Variants in ZNF461 observed in about 807,000 individuals in gnomAD.
ZNF461 encodes the protein zinc finger protein 461.
In ZNF461, 16 loss-of-function variants were observed where a neutral mutation model predicts 18.3. The observed-to-expected ratio is 0.88, with a 90% confidence interval of 0.59 to 1.33. The LOEUF is 1.33. Among genes scored for constraint, ZNF461 ranks in the 40% most tolerant of loss-of-function variants. The pLI is 0.00. For synonymous variants in ZNF461, 179 were observed against 216.9 expected (o/e 0.83, Z 1.54); for missense variants, 595 against 669.9 (o/e 0.89, Z 1.23).
At chr19:36,663,552 C>T (rs1228003167) in intron 2 of ZNF461, among the ~76,000 whole-genome samples, 1 of 140,338 alleles carries the variant, frequency 7.1e-6, no homozygotes, top group Admixed American at 7.6e-5. Flanking sequence ...CAGAGTCTTG[C>T]CTTGTCACCC....
chr19:36,655,405 C>A (rs1411898675), intron 4 of ZNF461, among the ~76,000 whole-genome samples: 2 of 152,110 alleles, frequency 1.3e-5, no homozygotes, highest in Admixed American at 6.5e-5. Flanking sequence ...TCGAGACCAG[C>A]CTGGGCAATA....
chr19:36,649,824 T>C (rs2037595594), intron 4 of ZNF461, among the ~76,000 whole-genome samples: 1 of 152,184 alleles, frequency 6.6e-6, no homozygotes, highest in African/African-American at 2.4e-5. Context: ...TATACATATA[T>C]CAAAACATAT....
At chr19:36,657,863 T>C (rs2037751702) in intron 3 of ZNF461, 2 of 154,234 alleles carry the variant, frequency 1.3e-5, no homozygotes, top group Non-Finnish European at 2.9e-5. Context: ...GAATAGTAAA[T>C]GAACCTTTAT....
chr19:36,641,547 T>G (rs1008242996), intron 5 of ZNF461, among the ~76,000 whole-genome samples: 11 of 142,340 alleles, frequency 7.7e-5, no homozygotes, highest in South Asian at 2.2e-4. Context: ...AAAATATATA[T>G]ATATATAATA....
At position 36,639,798 on chromosome 19, in the gene ZNF461, G is replaced by C. The variant is rs748767652; in HGVS notation, c.547C>G (p.Gln183Glu). Residue 183 changes from glutamine to glutamate, a missense_variant, in exon 6 of 6, where the codon CAA (glutamine) becomes GAA (glutamate). Gln to Glu is a conservative substitution (Grantham distance 29, BLOSUM62 2). Transcript: ENST00000588268. ...PIFSQHTLLT[Q>E]EFYDREKISE... The stretch of plus-strand genomic sequence containing the variant: ...ATTTTCTCTCTATCATAAAATTCTT[G>C]AGTGAGTAAAGTATGTTGGCTAAAA... 1.9e-6 allele frequency: 3 copies of C among 1,613,792 alleles called. No homozygotes were observed. The highest frequency in any genetic ancestry group is 1.3e-5 in the African/African-American group (1 of 75,024).
At position 36,637,682 on chromosome 19, in the gene ZNF461, CAA is replaced by C. The variant is rs377169661; in HGVS notation, c.*969_*970del. On this transcript the variant is annotated 3_prime_UTR_variant, in exon 6 of 6. Coordinates refer to ENST00000588268, the MANE Select transcript of ZNF461 (RefSeq NM_153257.5). The stretch of plus-strand genomic sequence containing the variant: ...ACTGGACTCCAGCCTGGGTGTGTCT[CAA>C]AAAAAAAAAAAATGAAGTAGGCCAA... 7.0e-3 allele frequency: 1,445 copies of C among 205,158 alleles called. No homozygotes were observed. The highest frequency in any genetic ancestry group is 0.013 in the South Asian group (297 of 23,458). The allele number at this position is 205,158 out of a possible 1,614,324, so 12.7% of individuals were successfully genotyped here.
At chr19:36,647,880 C>T (rs1360468139) in intron 4 of ZNF461, among the ~76,000 whole-genome samples, 1 of 152,008 alleles carries the variant, frequency 6.6e-6, no homozygotes. Flanking sequence ...CTCATGATAT[C>T]TGGTCCTTGA....
chr19:36,643,935 ATTTCTTTT>A, intron 4 of ZNF461, 73 bp from the exon 5 acceptor site: 5 of 1,225,796 alleles, frequency 4.1e-6, no homozygotes, highest in Non-Finnish European at 5.4e-6. Context: ...GAGAATATCT[ATTTCTTTT>A]TCTTTTTAGA....
intron 4 of ZNF461, among the ~76,000 whole-genome samples, chr19:36,645,502 C>G (rs10427118): frequency 0.096 from 14,543 of 152,004 alleles, 777 homozygotes; most frequent in African/African-American, 0.15. Flanking sequence ...CACTTTATTT[C>G]CCACTTTATT....
In ZNF461 at chr19:36,640,126, T is replaced by G. The variant is rs2037398921; in HGVS notation, c.302-83A>C. 3.4e-6 allele frequency: 4 copies of G among 1,172,526 alleles called. No homozygotes were observed. In the Admixed American group the frequency reaches 1.1e-4, roughly 32 times the overall value. The allele number at this position is 1,172,526 out of a possible 1,614,324, so 72.6% of individuals were successfully genotyped here. On this transcript the variant is annotated intron_variant, in intron 5 of 5. Transcript: ENST00000588268. Reference sequence around the variant, plus strand: ...ATCTATGGTAGCAATGAGAGATAACTGCAAATAATTCATATAAGAAATAAA... The same window carrying G: ...ATCTATGGTAGCAATGAGAGATAACGGCAAATAATTCATATAAGAAATAAA...
chr19:36,643,858 T>A lies in ZNF461; in HGVS notation c.237A>T (p.Thr79=), dbSNP rs542649343. The change falls in exon 5 of 6, where the codon ACA becomes ACT. Residue 79 remains threonine (T), a synonymous_variant. Transcript: ENST00000588268. The part of the protein sequence containing the change: ...REETGRWCPG[T]WKTWGFHNNF... ...TATTGTGAAATCCCCAAGTTTTCCATGTACCTACATGGAAACAAAAGAATA... is the reference window on the plus strand; with the variant it reads ...TATTGTGAAATCCCCAAGTTTTCCAAGTACCTACATGGAAACAAAAGAATA... 4 of 1,525,252 alleles carry A rather than the reference T, an allele frequency of 2.6e-6. No homozygotes were observed. The South Asian group carries it at 3.7e-5, about 14-fold the overall frequency. The allele number at this position is 1,525,252 out of a possible 1,614,324, so 94.5% of individuals were successfully genotyped here.
chr19:36,640,677 A>AAT (rs2037408277), intron 5 of ZNF461, among the ~76,000 whole-genome samples: 1 of 152,226 alleles, frequency 6.6e-6, no homozygotes, highest in African/African-American at 2.4e-5. Flanking sequence ...AGCTGATGGC[A>AAT]ATATTGATTT....
intron 3 of ZNF461, 57 bp from the exon 4 acceptor site, chr19:36,656,600 G>A (rs2037725297): frequency 7.7e-7 from 1 of 1,305,992 alleles, no homozygotes; most frequent in African/African-American, 1.5e-5. Flanking sequence ...CAAATACAGT[G>A]ATTTAGAACT....
chr19:36,657,691 T>C (rs1478755224), intron 3 of ZNF461: 1 of 151,434 alleles, frequency 6.6e-6, no homozygotes, highest in Non-Finnish European at 1.5e-5. Flanking sequence ...GGCAGGAGAA[T>C]TGCTTGAAGC....
chr19:36,645,646 CTTTT>C (rs201857460), intron 4 of ZNF461, among the ~76,000 whole-genome samples: 1 of 151,728 alleles, frequency 6.6e-6, no homozygotes, highest in Non-Finnish European at 1.5e-5. Flanking sequence ...TAACTGTTTT[CTTTT>C]TTTTGTGGTA....
At chr19:36,648,015 C>T (rs1221276807) in intron 4 of ZNF461, among the ~76,000 whole-genome samples, 1 of 151,878 alleles carries the variant, frequency 6.6e-6, no homozygotes, top group Non-Finnish European at 1.5e-5. Context: ...AACTGTGTCT[C>T]TACTAAAAAT....
chr19:36,661,599 C>A (rs2037819928), intron 2 of ZNF461, among the ~76,000 whole-genome samples: 1 of 146,484 alleles, frequency 6.8e-6, no homozygotes, highest in African/African-American at 2.8e-5. Flanking sequence ...TTTTATAGAG[C>A]CAGCATTGCC....
intron 2 of ZNF461, among the ~76,000 whole-genome samples, chr19:36,659,410 A>C (rs752522889): frequency 6.6e-6 from 1 of 152,174 alleles, no homozygotes; most frequent in Admixed American, 6.5e-5. Flanking sequence ...TGTAACTGTA[A>C]TATGATTTTT....
intron 4 of ZNF461, among the ~76,000 whole-genome samples, chr19:36,644,722 G>A (rs1432224951): frequency 2.0e-5 from 3 of 151,596 alleles, no homozygotes; most frequent in Non-Finnish European, 2.9e-5. Context: ...AGCCTCCCAA[G>A]TAGCTGGGAT....
Sources: gnomAD v4.1 joint callset for allele counts (sites outside exome capture counted in the v4.1 genomes callset) on GRCh38, gnomAD v4.1.1 for gene constraint, MANE v1.5 for transcripts, NCBI Gene and HGNC (gene_info 2026-07-23, HGNC 2026-07-21) for gene names.